Variants in GRIN2A observed in about 807,000 individuals in gnomAD.
GRIN2A encodes the protein glutamate receptor ionotropic, NMDA 2A.
A neutral mutation model predicts 113.4 loss-of-function variants in GRIN2A; 22 were observed. The observed-to-expected ratio is 0.19, with a 90% CI of 0.14 to 0.28. The LOEUF is 0.28. GRIN2A is among the 10% of genes least tolerant of loss of function. The probability of loss-of-function intolerance (pLI) is 1.00; values close to 1 mark genes in which losing one functional copy is unlikely to be tolerated. For missense variants in GRIN2A, 1,502 were observed against 1,887.0 expected, an observed-to-expected ratio of 0.80 and a Z score of 3.78; for synonymous variants, 827 against 738.4, an observed-to-expected ratio of 1.12 and a Z score of -1.94.
chr16:9,849,171 ACTG>A (rs2042832887), intron 5 of GRIN2A, among the ~76,000 whole-genome samples: 4 of 139,206 alleles, frequency 2.9e-5, no homozygotes, highest in African/African-American at 1.0e-4. Flanking sequence ...TATAAAATAT[ACTG>A]TTTTATATAT....
chr16:9,782,105 G>T (rs548295787), intron 11 of GRIN2A, among the ~76,000 whole-genome samples: 1 of 152,294 alleles, frequency 6.6e-6, no homozygotes, highest in East Asian at 1.9e-4. Flanking sequence ...GTGATTATAT[G>T]TACAGTCAGC....
rs539907710 is a variant in GRIN2A, at chr16:9,938,145, G to A, written c.821C>T (p.Ser274Leu). The A allele has an allele frequency of 1.9e-6, 3 of 1,614,050 alleles. No individual in the cohort carries two copies. The highest frequency in any genetic ancestry group is 1.1e-5 in the South Asian group (1 of 91,074). ...ATCGTAGGAGACAGAAATGAGTCCCGATGGAAACTCTTTTGGGATGAGCTC... is the reference window on the plus strand; with the variant it reads ...ATCGTAGGAGACAGAAATGAGTCCCAATGGAAACTCTTTTGGGATGAGCTC... ...NTELIPKEFPSGLISVSYDDW... is the reference protein window; with the variant it reads ...NTELIPKEFPLGLISVSYDDW... Residue 274 changes from serine to leucine, a missense_variant, in exon 3 of 13, where the codon TCG becomes TTG. Coordinates refer to ENST00000330684, the MANE Select transcript of GRIN2A (RefSeq NM_001134407.3).
chr16:9,848,286 A>G (rs2042812451), intron 5 of GRIN2A, among the ~76,000 whole-genome samples: 1 of 150,518 alleles, frequency 6.6e-6, no homozygotes, highest in African/African-American at 2.4e-5. Context: ...CTCGATCTCG[A>G]CTTATTGCAA....
intron 2 of GRIN2A, among the ~76,000 whole-genome samples, chr16:10,030,138 A>G (rs978761443): frequency 3.9e-5 from 6 of 152,128 alleles, no homozygotes; most frequent in African/African-American, 1.2e-4. Flanking sequence ...ACAGGAAGGG[A>G]TCATTTTCAG....
intron 2 of GRIN2A, among the ~76,000 whole-genome samples, chr16:10,153,117 C>G (rs2049618377): frequency 6.6e-6 from 1 of 152,062 alleles, no homozygotes; most frequent in East Asian, 1.9e-4. Flanking sequence ...CCATGTAGGC[C>G]TATCAGTTGT....
intron 2 of GRIN2A, among the ~76,000 whole-genome samples, chr16:9,995,302 T>C (rs1295427962): frequency 2.6e-5 from 4 of 152,150 alleles, no homozygotes; most frequent in Admixed American, 6.6e-5. Context: ...ACAAGCCAGA[T>C]GTGGTCAAGA....
intron 2 of GRIN2A, among the ~76,000 whole-genome samples, chr16:10,038,753 C>G (rs560691891): frequency 6.6e-6 from 1 of 151,494 alleles, no homozygotes; most frequent in South Asian, 2.1e-4. Context: ...GTGGCTGAGG[C>G]AGGACAATCA....
chr16:9,786,365 A>C (rs1483738445), intron 11 of GRIN2A, among the ~76,000 whole-genome samples: 3 of 152,166 alleles, frequency 2.0e-5, no homozygotes, highest in Admixed American at 6.5e-5. Context: ...GAATGATCTC[A>C]AAAATTAGGC....
At chr16:9,771,297 C>T (rs7196878) in intron 11 of GRIN2A, among the ~76,000 whole-genome samples, 1 of 146,442 alleles carries the variant, frequency 6.8e-6, no homozygotes, top group Non-Finnish European at 1.5e-5. Flanking sequence ...ATTCTTTTTT[C>T]TCTCTGTGCT....
At chr16:10,163,042 A>C (rs1376968417) in intron 2 of GRIN2A, among the ~76,000 whole-genome samples, 1 of 152,200 alleles carries the variant, frequency 6.6e-6, no homozygotes, top group Non-Finnish European at 1.5e-5. Context: ...TTAAAAGATT[A>C]TTTTTATGCT....
At chr16:9,838,417 T>C (rs1394066460) in intron 7 of GRIN2A, among the ~76,000 whole-genome samples, 2 of 152,142 alleles carry the variant, frequency 1.3e-5, no homozygotes, top group African/African-American at 2.4e-5. Context: ...CAACTGATGA[T>C]TGCATAAAGA....
intron 2 of GRIN2A, among the ~76,000 whole-genome samples, chr16:9,978,391 C>G (rs779938265): frequency 5.3e-5 from 8 of 152,158 alleles, no homozygotes. Flanking sequence ...TAATTCCCAG[C>G]CTTGCTGGTT....
At chr16:9,848,799 ACT>A (rs1489665183) in intron 5 of GRIN2A, among the ~76,000 whole-genome samples, 1 of 100,712 alleles carries the variant, frequency 9.9e-6, no homozygotes, top group African/African-American at 4.9e-5. Context: ...TATAAAATAC[ACT>A]GTTTTATATA....
At chr16:10,098,792 G>A (rs1006106562) in intron 2 of GRIN2A, among the ~76,000 whole-genome samples, 1 of 152,058 alleles carries the variant, frequency 6.6e-6, no homozygotes, top group Non-Finnish European at 1.5e-5. Context: ...CACAATGGAC[G>A]CTGGAAATTC....
At chr16:10,128,257 C>T (rs964787383) in intron 2 of GRIN2A, among the ~76,000 whole-genome samples, 1 of 152,178 alleles carries the variant, frequency 6.6e-6, no homozygotes, top group Non-Finnish European at 1.5e-5. Flanking sequence ...CAAGCCATAG[C>T]CGTGGGTGCA....
intron 2 of GRIN2A, among the ~76,000 whole-genome samples, chr16:9,974,830 T>C (rs2045743901): frequency 6.6e-6 from 1 of 152,238 alleles, no homozygotes; most frequent in South Asian, 2.1e-4. Context: ...AAGCCTTTTA[T>C]TTCTTTTTCT....
At position 9,785,004 on chromosome 16, in the gene GRIN2A, G is replaced by A. The variant is rs376434927; in HGVS notation, c.2356+13273C>T. Reference sequence around the variant, plus strand: ...ACACTGTTGGTGGGACTGTAAACTAGTTCAACCATTGTGGAAGTCAGTGTG... The same window carrying A: ...ACACTGTTGGTGGGACTGTAAACTAATTCAACCATTGTGGAAGTCAGTGTG... On this transcript the variant is annotated intron_variant, in intron 11 of 12. Transcript: ENST00000330684. Among the ~76,000 whole-genome samples, 13 of 152,302 alleles carry A rather than the reference G, an allele frequency of 8.5e-5. No homozygotes were observed. The East Asian group carries it at 1.2e-3, about 14-fold the overall frequency.
At chr16:9,768,240 G>A (rs908666217) in intron 12 of GRIN2A, among the ~76,000 whole-genome samples, 1 of 151,076 alleles carries the variant, frequency 6.6e-6, no homozygotes, top group Non-Finnish European at 1.5e-5. Context: ...AGTAGAGAAG[G>A]GGGGGGTCTC....
At chr16:10,139,146 G>C (rs1382848847) in intron 2 of GRIN2A, among the ~76,000 whole-genome samples, 4 of 152,188 alleles carry the variant, frequency 2.6e-5, no homozygotes, top group African/African-American at 9.7e-5. Context: ...CTGGAGGCCT[G>C]GAATCTGCTG....
Sources: gnomAD v4.1 joint callset for allele counts (sites outside exome capture counted in the v4.1 genomes callset) on GRCh38, gnomAD v4.1.1 for gene constraint, MANE v1.5 for transcripts, NCBI Gene and HGNC (gene_info 2026-07-23, HGNC 2026-07-21) for gene names.